The following TMEM164 variants were observed in gnomAD, a reference collection of about 807,000 sequenced individuals.
TMEM164 encodes the protein transmembrane protein 164.
Under a neutral mutation model 18.8 loss-of-function variants are expected in TMEM164, and 4 were observed. The ratio of observed to expected loss-of-function variants is 0.21; its 90% CI spans 0.10 to 0.49. The LOEUF is 0.49. Among genes scored for constraint, TMEM164 ranks in the 20% least tolerant of loss-of-function variants. TMEM164 has a pLI of 0.98. For missense variants in TMEM164, 108 were observed against 239.9 expected (o/e 0.45, Z 3.63); for synonymous variants, 86 against 101.7 (o/e 0.85, Z 0.93).
At chrX:110,035,879 A>G (rs928448473) in intron 2 of TMEM164, among the ~76,000 whole-genome samples, 8 of 109,867 alleles carry the variant, frequency 7.3e-5, no homozygotes, top group Non-Finnish European at 1.5e-4. Flanking sequence ...TGGAGTTACC[A>G]GGACAGGGGT....
At chrX:110,022,222 T>TGTGTGTGTGTGTGTGTGTGTGTGTGTG in intron 2 of TMEM164, among the ~76,000 whole-genome samples, 4 of 111,675 alleles carry the variant, frequency 3.6e-5, no homozygotes, top group African/African-American at 1.3e-4. Context: ...TGTGTGTGTA[T>TGTGTGTGTGTGTGTGTGTGTGTGTGTG]TGAGTGATAT....
At chrX:110,141,250 C>A (rs1213110682) in intron 4 of TMEM164, among the ~76,000 whole-genome samples, 3 of 112,333 alleles carry the variant, frequency 2.7e-5, no homozygotes, top group Non-Finnish European at 5.6e-5. Flanking sequence ...TTTAATTTCT[C>A]TGTGCCTTAG....
At chrX:110,099,776 CTA>C (rs1234057760) in intron 3 of TMEM164, among the ~76,000 whole-genome samples, 1 of 112,126 alleles carries the variant, frequency 8.9e-6, no homozygotes, top group Non-Finnish European at 1.9e-5. Context: ...TGCTTTGACT[CTA>C]TAGATCGTTT....
chrX:110,173,572 T>C lies in TMEM164; in HGVS notation c.*121T>C, dbSNP rs2067258180. The C allele has an allele frequency of 1.7e-6, 1 of 585,591 alleles. No homozygotes were observed. The highest frequency in any genetic ancestry group is 3.1e-5 in the South Asian group (1 of 32,677). 48.3% of individuals were successfully genotyped at this position (585,591 alleles called of 1,213,427 possible). Reference sequence around the variant, plus strand: ...GTAGGATGTTTGGTGTATTTCTTTTTCCTCCTTTCTGTCCCTTTCTTCTAC... The same window carrying C: ...GTAGGATGTTTGGTGTATTTCTTTTCCCTCCTTTCTGTCCCTTTCTTCTAC... On this transcript the variant is annotated 3_prime_UTR_variant, in exon 7 of 7. Coordinates refer to ENST00000372068, the MANE Select transcript of TMEM164 (RefSeq NM_032227.4).
intron 4 of TMEM164, among the ~76,000 whole-genome samples, chrX:110,127,189 C>T (rs1188787683): frequency 9.0e-6 from 1 of 110,728 alleles, no homozygotes; most frequent in African/African-American, 3.3e-5. Context: ...TCCAGAGTCT[C>T]GTCCTAGCAA....
At chrX:110,086,325 G>A (rs1282593113) in intron 3 of TMEM164, among the ~76,000 whole-genome samples, 1 of 111,813 alleles carries the variant, frequency 8.9e-6, no homozygotes, top group South Asian at 3.7e-4. Flanking sequence ...AAGGGCCAGA[G>A]AGTAAATATT....
Position 110,017,861 on chromosome X carries a change from G to A in TMEM164, c.390+13697G>A, listed in dbSNP as rs183468497. Among the ~76,000 whole-genome samples, 6 of 109,276 alleles carry A rather than the reference G, an allele frequency of 5.5e-5. No individual in the cohort carries two copies. In the South Asian group the frequency reaches 1.2e-3, roughly 21 times the overall value. 94.9% of individuals were successfully genotyped at this position (109,276 alleles called of 115,157 possible). ...TGGGATTACAGGCGTGAGCCACTGC[G>A]CCCGGCCTGCAGGCCACCTCTTTAC... On this transcript the variant is annotated intron_variant, in intron 2 of 6. Coordinates refer to ENST00000372068, the MANE Select transcript of TMEM164 (RefSeq NM_032227.4).
In TMEM164 at chrX:110,022,349, G is replaced by A. The variant is rs557774555; in HGVS notation, c.390+18185G>A. 3.6e-5 allele frequency among the ~76,000 whole-genome samples: 4 copies of A among 111,512 alleles called. No individual in the cohort carries two copies. In the South Asian group the frequency reaches 1.5e-3, roughly 42 times the overall value. On this transcript the variant is annotated intron_variant, in intron 2 of 6. Transcript: ENST00000372068. ...TTACTTGTCAAGAGAGATCTAAGAT[G>A]TAAGATTCTCAATAATAGTAACTAC...
At chrX:110,008,116 A>G (rs1932822746) in intron 2 of TMEM164, among the ~76,000 whole-genome samples, 1 of 112,142 alleles carries the variant, frequency 8.9e-6, no homozygotes, top group African/African-American at 3.2e-5. Context: ...AACTTCAACC[A>G]AATATGGCTT....
At chrX:110,089,328 G>A (rs2065894467) in intron 3 of TMEM164, among the ~76,000 whole-genome samples, 2 of 111,189 alleles carry the variant, frequency 1.8e-5, no homozygotes, top group Admixed American at 1.9e-4. Flanking sequence ...TTCCCGAGTA[G>A]CTGAGATTAC....
At chrX:110,115,528 A>G (rs1262897486) in intron 4 of TMEM164, among the ~76,000 whole-genome samples, 2 of 111,438 alleles carry the variant, frequency 1.8e-5, no homozygotes, top group Admixed American at 1.9e-4. Flanking sequence ...TCTAGGGACT[A>G]TCCTAGAATA....
In TMEM164 at chrX:110,176,568, C is replaced by A; in HGVS notation, c.*3117C>A. The A allele has an allele frequency of 4.5e-6, 1 of 223,926 alleles. No individual in the cohort carries two copies. The highest frequency in any genetic ancestry group is 6.5e-6 in the Non-Finnish European group (1 of 154,589). 18.5% of individuals were successfully genotyped at this position (223,926 alleles called of 1,213,427 possible). A position where few individuals can be genotyped will look rare whatever the true frequency, so the allele number is the denominator to read the frequency against. On this transcript the variant is annotated 3_prime_UTR_variant, in exon 7 of 7. Transcript: ENST00000372068. ...CAGTACCTCAGTCTAGCTGTCAGATCACCCCTTTTGCTGTAGCCTCTGTTG... is the reference window on the plus strand; with the variant it reads ...CAGTACCTCAGTCTAGCTGTCAGATAACCCCTTTTGCTGTAGCCTCTGTTG...
intron 5 of TMEM164, among the ~76,000 whole-genome samples, chrX:110,156,769 G>C (rs2067022401): frequency 9.0e-6 from 1 of 111,334 alleles, no homozygotes; most frequent in Non-Finnish European, 1.9e-5. Context: ...ACGTGGAAGG[G>C]GCAAGCAGGC....
intron 4 of TMEM164, among the ~76,000 whole-genome samples, chrX:110,123,808 C>T (rs1472390044): frequency 9.0e-6 from 1 of 111,413 alleles, no homozygotes; most frequent in East Asian, 2.8e-4. Flanking sequence ...GAGACCCTGT[C>T]TGTACAAAAA....
At chrX:110,026,046 A>T (rs976529002) in intron 2 of TMEM164, among the ~76,000 whole-genome samples, 1 of 112,556 alleles carries the variant, frequency 8.9e-6, no homozygotes, top group African/African-American at 3.2e-5. Flanking sequence ...ATATTTCTAA[A>T]GCTCTGGGAA....
At chrX:110,149,082 AG>A (rs1274733668) in intron 5 of TMEM164, among the ~76,000 whole-genome samples, 6 of 34,095 alleles carry the variant, frequency 1.8e-4, no homozygotes, top group Non-Finnish European at 2.8e-4. Flanking sequence ...AAATCTATTG[AG>A]TTTTTTTTTT....
In TMEM164 at chrX:110,124,856, A is replaced by G. The variant is rs376320384; in HGVS notation, c.507+15710A>G. Among the ~76,000 whole-genome samples, 97 of 112,213 alleles carry G rather than the reference A, an allele frequency of 8.6e-4. No individual in the cohort carries two copies. The South Asian group carries it at 0.034, about 40-fold the overall frequency. ...CCCCAACACAAACACCTATCCCTGG[A>G]TTATTTGGAAGAAAATCTCATGTAA... is the stretch of plus-strand genomic sequence containing the variant. On this transcript the variant is annotated intron_variant, in intron 4 of 6. Coordinates refer to ENST00000372068, the MANE Select transcript of TMEM164 (RefSeq NM_032227.4).
At chrX:110,122,512 A>C (rs1417481841) in intron 4 of TMEM164, among the ~76,000 whole-genome samples, 2 of 107,964 alleles carry the variant, frequency 1.9e-5, no homozygotes, top group Non-Finnish European at 3.8e-5. Context: ...CCAGCATGGC[A>C]CATGTATACA....
At chrX:110,078,507 C>T (rs756480275) in intron 3 of TMEM164, among the ~76,000 whole-genome samples, 1 of 111,780 alleles carries the variant, frequency 8.9e-6, no homozygotes, top group South Asian at 3.7e-4. Flanking sequence ...TGTGATCCCT[C>T]GGATCATCAC....
Sources: gnomAD v4.1 joint callset for allele counts (sites outside exome capture counted in the v4.1 genomes callset) on GRCh38, gnomAD v4.1.1 for gene constraint, MANE v1.5 for transcripts, NCBI Gene and HGNC (gene_info 2026-07-23, HGNC 2026-07-21) for gene names.